ACTN4: variants seen among roughly 807,000 people sequenced by gnomAD.
ACTN4 encodes actinin alpha 4.
In ACTN4, 18 loss-of-function variants were observed where a neutral mutation model predicts 114.2. That is an observed-to-expected ratio of 0.16 (90% CI 0.11 to 0.23). The LOEUF (loss-of-function observed/expected upper bound fraction) is 0.23, where lower values mean the gene tolerates loss of function less well. Ranked by LOEUF, ACTN4 falls within the 10% of genes least tolerant of loss-of-function variation. ACTN4 has a pLI of 1.00. For synonymous variants in ACTN4, 515 were observed against 506.3 expected (o/e 1.02, Z -0.23); for missense variants, 722 against 1,262.9 (o/e 0.57, Z 6.49).
In ACTN4 at chr19:38,670,632, C is replaced by G. The variant is rs1248762250; in HGVS notation, c.162+22725C>G. Among the ~76,000 whole-genome samples, 4 of 152,156 alleles carry G rather than the reference C, an allele frequency of 2.6e-5. No homozygotes were observed. The East Asian group carries it at 7.7e-4, about 29-fold the overall frequency. On this transcript the variant is annotated intron_variant, in intron 1 of 20. Coordinates refer to ENST00000252699, the MANE Select transcript of ACTN4 (RefSeq NM_004924.6). ...GAGTTTTATGGGGCATTTCATTCAA[C>G]TTAAAAACCTGGCCGGGTACAGTGG...
Position 38,717,905 on chromosome 19 carries a change from G to T in ACTN4, c.1144-22G>T. 7.6e-6 allele frequency: 12 copies of T among 1,573,544 alleles called. No homozygotes were observed. Among genetic ancestry groups the T allele is most frequent in the Non-Finnish European group, 9.5e-6 (11 of 1,158,664 alleles). On this transcript the variant is annotated intron_variant, in intron 10 of 20. Transcript: ENST00000252699. This position sits in a 1 kb window ranked among gnomAD's most constrained non-coding sequence, Gnocchi z 4.0. ...GCCTCCACTTCCTTGTGATAGCCCT[G>T]CCTGCTCCTGCCCTGCCCCAGGACA...
rs955464835 is a variant in ACTN4, at chr19:38,726,992, C to T, written c.2226C>T (p.Thr742=). 1.4e-5 allele frequency: 22 copies of T among 1,614,000 alleles called. No individual in the cohort carries two copies. The highest frequency in any genetic ancestry group is 1.8e-5 in the Non-Finnish European group (21 of 1,180,032). The stretch of plus-strand genomic sequence containing the variant: ...TGGGCTGGGAGCAGCTGCTCACCAC[C>T]ATTGCCCGCACCATCAACGAGGTGG... ...IRVGWEQLLT[T]IARTINEVEN... The change falls in exon 18 of 21, where the codon ACC becomes ACT. Residue 742 remains threonine (T), a synonymous_variant. Transcript: ENST00000252699.
Position 38,692,062 on chromosome 19 carries a change from G to A in ACTN4, c.163-8538G>A, listed in dbSNP as rs536990691. 4.6e-5 allele frequency among the ~76,000 whole-genome samples: 7 copies of A among 152,276 alleles called. No homozygotes were observed. The South Asian group carries it at 1.5e-3, about 32-fold the overall frequency. ...GACACGCAGGACCTTTGGAATGCTCGCTACCCCACTCAGCAGTATTTATAC... is the reference window on the plus strand; with the variant it reads ...GACACGCAGGACCTTTGGAATGCTCACTACCCCACTCAGCAGTATTTATAC... On this transcript the variant is annotated intron_variant, in intron 1 of 20. Transcript: ENST00000252699.
chr19:38,711,368 T>C, intron 8 of ACTN4: 1 of 1,027,960 alleles, frequency 9.7e-7, no homozygotes, highest in Admixed American at 4.6e-5. Flanking sequence ...GAAGGTGAGC[T>C]GGGCCAGGCA....
chr19:38,674,605 C>T (rs989422205), intron 1 of ACTN4, among the ~76,000 whole-genome samples: 2 of 152,180 alleles, frequency 1.3e-5, no homozygotes, highest in African/African-American at 4.8e-5. Flanking sequence ...GCATTTTTAT[C>T]CCTACCCTTA....
chr19:38,675,276 CTTTCTTGGT>C (rs1452290084), intron 1 of ACTN4, among the ~76,000 whole-genome samples: 1 of 152,190 alleles, frequency 6.6e-6, no homozygotes, highest in Non-Finnish European at 1.5e-5. Flanking sequence ...TTGGGTGTTG[CTTTCTTGGT>C]TTTGTTGCAT....
At chr19:38,700,804 C>T in intron 2 of ACTN4, 90 bp downstream of exon 2, 1 of 1,411,792 alleles carries the variant, frequency 7.1e-7, no homozygotes, top group East Asian at 2.4e-5. Context: ...CCAGCTGTCC[C>T]ATTGCTCCTG....
chr19:38,671,172 T>C (rs904901069), intron 1 of ACTN4, among the ~76,000 whole-genome samples: 104 of 152,316 alleles, frequency 6.8e-4, no homozygotes, highest in African/African-American at 2.3e-3. Flanking sequence ...GGGTTTGCTT[T>C]AGCTGTGGTT....
chr19:38,696,504 G>T (rs985425158), intron 1 of ACTN4, among the ~76,000 whole-genome samples: 1 of 152,158 alleles, frequency 6.6e-6, no homozygotes, highest in Non-Finnish European at 1.5e-5. Context: ...GAAGCAGAGT[G>T]TTATTTTTGT....
intron 1 of ACTN4, among the ~76,000 whole-genome samples, chr19:38,660,401 T>C (rs1976848010): frequency 6.6e-6 from 1 of 152,060 alleles, no homozygotes; most frequent in Non-Finnish European, 1.5e-5. Flanking sequence ...TTTGTTTTTT[T>C]TTCTTTCCTT....
At chr19:38,701,790 C>T (rs530253738) in intron 3 of ACTN4, among the ~76,000 whole-genome samples, 1 of 152,354 alleles carries the variant, frequency 6.6e-6, no homozygotes, top group Admixed American at 6.5e-5. Context: ...TGATGGAGCC[C>T]CAGCAGCATG....
intron 8 of ACTN4, chr19:38,710,781 G>A (rs1968621342): frequency 6.3e-6 from 2 of 317,204 alleles, no homozygotes; most frequent in South Asian, 2.7e-5. Flanking sequence ...GGGCACAGGT[G>A]TTCCAGGCAG....
In ACTN4 at chr19:38,729,157, G is replaced by T. The variant is rs767233697; in HGVS notation, c.2577+3G>T. The T allele has an allele frequency of 2.1e-5, 34 of 1,612,860 alleles. No homozygotes were observed. The highest frequency in any genetic ancestry group is 2.6e-5 in the Non-Finnish European group (31 of 1,180,000). ...TCAAGGTCTTAGCAGGGGACAAGGT[G>T]AGCGAGACCCCTACGAGGTGCATGG... is the stretch of plus-strand genomic sequence containing the variant. On this transcript the variant is annotated splice_donor_region_variant and intron_variant, in intron 20 of 20. Coordinates refer to ENST00000252699, the MANE Select transcript of ACTN4 (RefSeq NM_004924.6).
At chr19:38,658,666 A>G (rs1227766973) in intron 1 of ACTN4, among the ~76,000 whole-genome samples, 2 of 152,336 alleles carry the variant, frequency 1.3e-5, no homozygotes, top group South Asian at 4.1e-4. Flanking sequence ...GTCAGTTTCA[A>G]AATTCAAAAT....
In ACTN4 at chr19:38,709,375, C is replaced by T. The variant is rs1402918713; in HGVS notation, c.652-20C>T. On this transcript the variant is annotated intron_variant, in intron 6 of 20. Transcript: ENST00000252699. ...CCTGCCCTGACGGAGTTCTTGTTGTCCCCACTTGCCTCCTTCTAGGACGAC... is the reference window on the plus strand; with the variant it reads ...CCTGCCCTGACGGAGTTCTTGTTGTTCCCACTTGCCTCCTTCTAGGACGAC... 6.3e-7 allele frequency: 1 copy of T among 1,598,734 alleles called. No homozygotes were observed. The highest frequency in any genetic ancestry group is 1.7e-5 in the Admixed American group (1 of 60,000).
intron 3 of ACTN4, among the ~76,000 whole-genome samples, chr19:38,703,595 C>T (rs745555042): frequency 6.6e-6 from 1 of 152,276 alleles, no homozygotes; most frequent in African/African-American, 2.4e-5. Context: ...GCCTCAGGCC[C>T]GTGCTCTCCC....
chr19:38,695,633 A>G (rs1968067491), intron 1 of ACTN4, among the ~76,000 whole-genome samples: 1 of 151,936 alleles, frequency 6.6e-6, no homozygotes, highest in Non-Finnish European at 1.5e-5. Context: ...TTGTGAGGCC[A>G]GCATGCCAGC....
At chr19:38,682,634 G>T (rs1362611614) in intron 1 of ACTN4, among the ~76,000 whole-genome samples, 2 of 152,128 alleles carry the variant, frequency 1.3e-5, no homozygotes, top group Non-Finnish European at 2.9e-5. Context: ...ACTGGGATTG[G>T]GGCGGCGTTC....
chr19:38,672,986 A>G (rs995867318), intron 1 of ACTN4, among the ~76,000 whole-genome samples: 2 of 149,586 alleles, frequency 1.3e-5, no homozygotes, highest in African/African-American at 2.5e-5. Flanking sequence ...TCTGTCTCCA[A>G]GGCTGGAGTG....
Sources: gnomAD v4.1 joint callset for allele counts (sites outside exome capture counted in the v4.1 genomes callset) on GRCh38, gnomAD v4.1.1 for gene constraint, Gnocchi (gnomAD v3.1) non-coding constraint, MANE v1.5 for transcripts, NCBI Gene and HGNC (gene_info 2026-07-23, HGNC 2026-07-21) for gene names.